Variants in DPYD observed in about 807,000 individuals in gnomAD.
DPYD encodes dihydropyrimidine dehydrogenase.
In DPYD, 109 loss-of-function variants were observed where a neutral mutation model predicts 116.2. The observed-to-expected ratio is 0.94, with a 90% confidence interval of 0.80 to 1.10. The LOEUF (loss-of-function observed/expected upper bound fraction) is 1.10. Among genes scored for constraint, DPYD ranks in the 50% least tolerant of loss-of-function variants. The pLI is 0.00. For missense variants in DPYD, 1,302 were observed against 1,254.5 expected, an observed-to-expected ratio of 1.04 and a Z score of -0.57; for synonymous variants, 440 against 432.0, an observed-to-expected ratio of 1.02 and a Z score of -0.23.
chr1:97,902,913 T>A (rs2101688427), intron 1 of DPYD, among the ~76,000 whole-genome samples: 1 of 151,970 alleles, frequency 6.6e-6, no homozygotes, highest in South Asian at 2.1e-4. Context: ...AAGAGGTACC[T>A]CCCAACACTA....
At chr1:97,149,641 T>A (rs552498637) in intron 20 of DPYD, among the ~76,000 whole-genome samples, 1 of 152,342 alleles carries the variant, frequency 6.6e-6, no homozygotes, top group South Asian at 2.1e-4. Flanking sequence ...ATTAGCTACA[T>A]AATTTGGGGA....
At chr1:97,550,188 C>A (rs779834421) in intron 11 of DPYD, among the ~76,000 whole-genome samples, 2 of 152,128 alleles carry the variant, frequency 1.3e-5, no homozygotes, top group African/African-American at 2.4e-5. Context: ...AATGGCTAAT[C>A]TCCCTTTTAC....
At chr1:97,374,845 A>T (rs1290569934) in intron 15 of DPYD, among the ~76,000 whole-genome samples, 1 of 151,522 alleles carries the variant, frequency 6.6e-6, no homozygotes, top group Admixed American at 6.6e-5. Context: ...GCCAGGCAAC[A>T]CAGTGAAACC....
intron 1 of DPYD, among the ~76,000 whole-genome samples, chr1:97,900,383 G>T (rs1021342474): frequency 6.6e-6 from 1 of 151,852 alleles, no homozygotes; most frequent in Non-Finnish European, 1.5e-5. Context: ...TGCCCAAGGT[G>T]ATTCTGGTGG....
chr1:97,747,952 T>C (rs920692000), intron 3 of DPYD, among the ~76,000 whole-genome samples: 4 of 152,216 alleles, frequency 2.6e-5, no homozygotes, highest in Admixed American at 2.0e-4. Flanking sequence ...TTATATGCAT[T>C]TCTTTAGTAA....
chr1:97,308,734 C>G (rs1041726766), intron 16 of DPYD, among the ~76,000 whole-genome samples: 1 of 151,810 alleles, frequency 6.6e-6, no homozygotes, highest in Non-Finnish European at 1.5e-5. Context: ...CTAGTGATAG[C>G]ATGAGATGGC....
chr1:97,749,862 G>C (rs1664776920), intron 3 of DPYD, among the ~76,000 whole-genome samples: 1 of 151,914 alleles, frequency 6.6e-6, no homozygotes, highest in Non-Finnish European at 1.5e-5. Flanking sequence ...CTTGATGACA[G>C]TACTAACAGT....
At position 97,098,554 on chromosome 1, in the gene DPYD, T is replaced by G; in HGVS notation, c.2701A>C (p.Asn901His). 6.2e-7 allele frequency: 1 copy of G among 1,613,306 alleles called. No individual in the cohort carries two copies. Among genetic ancestry groups the G allele is most frequent in the Admixed American group, 1.7e-5 (1 of 59,964 alleles). The part of the protein sequence containing the change: ...AENKIRLKEQ[N>H]VAFSPLKRNC... ...CTCTTAAGTGGTGAAAAAGCTACAT[T>G]TTGTTCTTTCAGTCTAATCTTGTTT... The change falls in exon 21 of 23, where the codon AAT (asparagine) becomes CAT (histidine). Residue 901 changes from asparagine to histidine, a missense_variant. By Grantham distance (68) the Asn-to-His change is moderately conservative. Transcript: ENST00000370192.
At chr1:97,707,514 A>G (rs1049629848) in intron 5 of DPYD, among the ~76,000 whole-genome samples, 5 of 139,984 alleles carry the variant, frequency 3.6e-5, no homozygotes, top group Non-Finnish European at 7.5e-5. Flanking sequence ...TCATTGTTCA[A>G]TTCCCACCTA....
At position 97,206,670 on chromosome 1, in the gene DPYD, ATATATATATATATATAT is replaced by A. The variant is rs1557938201; in HGVS notation, c.2443-13439_2443-13423del. 4.5e-3 allele frequency among the ~76,000 whole-genome samples: 499 copies of A among 109,704 alleles called. 21 individuals carry two copies. The highest frequency in any genetic ancestry group is 0.029 in the East Asian group (120 of 4,136). 72.0% of individuals were successfully genotyped at this position (109,704 alleles called of 152,430 possible). On this transcript the variant is annotated intron_variant, in intron 19 of 22. Coordinates refer to ENST00000370192, the MANE Select transcript of DPYD (RefSeq NM_000110.4). ...TATATATATATATATATATATATAT[ATATATATATATATATAT>A]AATCTATATGCTTATAATGCATATG...
At chr1:97,629,793 T>C (rs1027118575) in intron 8 of DPYD, among the ~76,000 whole-genome samples, 19 of 152,076 alleles carry the variant, frequency 1.2e-4, no homozygotes, top group Admixed American at 5.9e-4. Context: ...ATTTAGACAA[T>C]GCTATGATCT....
chr1:97,682,591 T>A (rs1040579060), intron 7 of DPYD, among the ~76,000 whole-genome samples: 3 of 152,128 alleles, frequency 2.0e-5, no homozygotes, highest in African/African-American at 7.2e-5. Context: ...ATGAAATGTG[T>A]GTTAACTAAA....
At chr1:97,643,937 T>C (rs1389200380) in intron 8 of DPYD, among the ~76,000 whole-genome samples, 1 of 151,298 alleles carries the variant, frequency 6.6e-6, no homozygotes, top group East Asian at 2.0e-4. Context: ...CTGTCAGGGG[T>C]TGGGGGGCTA....
chr1:97,731,871 G>A (rs1288049673), intron 4 of DPYD, among the ~76,000 whole-genome samples: 1 of 151,514 alleles, frequency 6.6e-6, no homozygotes, highest in Non-Finnish European at 1.5e-5. Context: ...TATATATTTA[G>A]TTTTTATATC....
At position 97,234,929 on chromosome 1, in the gene DPYD, G is replaced by A. The variant is rs267598785; in HGVS notation, c.2365C>T (p.Pro789Ser). The stretch of plus-strand genomic sequence containing the variant: ...TCAATTCCACCAGTAGCCAAAATGG[G>A]AAATCCAGGCAGAGCACGAGCAATG... ...TSIARALPGF[P>S]ILATGGIDSA... is the part of the protein sequence containing the mutation. The change falls in exon 19 of 23, where the codon CCC becomes TCC. Residue 789 changes from proline (P) to serine (S), a missense_variant. Transcript: ENST00000370192. 6.2e-7 allele frequency: 1 copy of A among 1,613,922 alleles called. No individual in the cohort carries two copies. The highest frequency in any genetic ancestry group is 8.5e-7 in the Non-Finnish European group (1 of 1,179,982).
intron 2 of DPYD, among the ~76,000 whole-genome samples, chr1:97,864,744 C>T (rs1486495159): frequency 6.6e-6 from 1 of 151,742 alleles, no homozygotes; most frequent in African/African-American, 2.4e-5. Flanking sequence ...TAAGGAAACA[C>T]ATGGAAATAT....
intron 11 of DPYD, among the ~76,000 whole-genome samples, chr1:97,559,260 C>T (rs1171788601): frequency 6.6e-6 from 1 of 151,852 alleles, no homozygotes; most frequent in African/African-American, 2.4e-5. Flanking sequence ...TATAAAATTC[C>T]CATTTGCTGC....
At chr1:97,346,478 T>C (rs1324748001) in intron 16 of DPYD, among the ~76,000 whole-genome samples, 1 of 151,896 alleles carries the variant, frequency 6.6e-6, no homozygotes, top group Non-Finnish European at 1.5e-5. Flanking sequence ...CTTTTCGTTT[T>C]CCTCATGGTA....
At chr1:97,737,015 C>A (rs1384037322) in intron 4 of DPYD, among the ~76,000 whole-genome samples, 1 of 152,088 alleles carries the variant, frequency 6.6e-6, no homozygotes, top group Non-Finnish European at 1.5e-5. Context: ...ATAAAATACT[C>A]CTCACCTATT....
Sources: gnomAD v4.1 joint callset for allele counts (sites outside exome capture counted in the v4.1 genomes callset) on GRCh38, gnomAD v4.1.1 for gene constraint, MANE v1.5 for transcripts, NCBI Gene and HGNC (gene_info 2026-07-23, HGNC 2026-07-21) for gene names.